Variants in BPNT1 observed in about 807,000 individuals in gnomAD.
BPNT1 encodes the protein 3'(2'), 5'-bisphosphate nucleotidase 1, also known as 3'(2'),5'-bisphosphate nucleotidase 1.
BPNT1 carries 28 observed loss-of-function variants against 36.9 expected under a neutral mutation model. The ratio of observed to expected loss-of-function variants is 0.76; its 90% CI spans 0.56 to 1.04. The LOEUF (loss-of-function observed/expected upper bound fraction) is 1.04, where lower values mean the gene tolerates loss of function less well. BPNT1 is among the 50% of genes least tolerant of loss of function. BPNT1 has a pLI of 0.00. For synonymous variants in BPNT1, 119 were observed against 130.9 expected, an observed-to-expected ratio of 0.91 and a Z score of 0.62; for missense variants, 313 against 372.9, an observed-to-expected ratio of 0.84 and a Z score of 1.32.
At chr1:220,059,287 GCTGGA>G in intron 8 of BPNT1, among the ~76,000 whole-genome samples, 1 of 118,426 alleles carries the variant, frequency 8.4e-6, no homozygotes, top group South Asian at 2.6e-4. Flanking sequence ...TCTTGCCCAG[GCTGGA>G]GTGCAATGGC....
At chr1:220,082,415 A>G (rs994663742) in intron 1 of BPNT1, among the ~76,000 whole-genome samples, 1 of 151,358 alleles carries the variant, frequency 6.6e-6, no homozygotes, top group African/African-American at 2.4e-5. Flanking sequence ...TCCTGACCTC[A>G]AGTGATCCAC....
At chr1:220,083,191 CGT>C in intron 1 of BPNT1, among the ~76,000 whole-genome samples, 1 of 143,308 alleles carries the variant, frequency 7.0e-6, no homozygotes, top group African/African-American at 2.6e-5. Context: ...GGGCCGAGAT[CGT>C]GCCAGTGCAC....
intron 1 of BPNT1, among the ~76,000 whole-genome samples, chr1:220,082,238 T>C (rs960554180): frequency 6.6e-6 from 1 of 150,938 alleles, no homozygotes; most frequent in South Asian, 2.1e-4. Flanking sequence ...TGGAGTGCAG[T>C]GGCGCAATCT....
intron 4 of BPNT1, 74 bp from the exon 5 acceptor site, chr1:220,069,506 A>T: frequency 8.8e-7 from 1 of 1,141,518 alleles, no homozygotes; most frequent in South Asian, 1.5e-5. Context: ...TAAATAGATT[A>T]AAATTACTCT....
chr1:220,061,319 C>T (rs1158725872), intron 7 of BPNT1, among the ~76,000 whole-genome samples: 1 of 152,022 alleles, frequency 6.6e-6, no homozygotes, highest in Non-Finnish European at 1.5e-5. Flanking sequence ...AGTCAATTGA[C>T]TTTTTTTGGT....
At chr1:220,064,265 A>T (rs1478472337) in intron 6 of BPNT1, among the ~76,000 whole-genome samples, 1 of 152,226 alleles carries the variant, frequency 6.6e-6, no homozygotes, top group Non-Finnish European at 1.5e-5. Context: ...TTACCTGTCA[A>T]ATGTTTTCAC....
Position 220,089,018 on chromosome 1 carries a change from G to A in BPNT1, c.-9+668C>T, listed in dbSNP as rs577368515. ...CGGGAGGCTGAGGCAGGAGAATGGC[G>A]TGAACCTGGGAGGTGGAGCTTGCAG... On this transcript the variant is annotated intron_variant, in intron 1 of 8. Coordinates refer to ENST00000322067, the MANE Select transcript of BPNT1 (RefSeq NM_006085.6). 2.8e-5 allele frequency among the ~76,000 whole-genome samples: 4 copies of A among 145,412 alleles called. No individual in the cohort carries two copies. The South Asian group carries it at 9.0e-4, about 33-fold the overall frequency.
In BPNT1 at chr1:220,087,874, A is replaced by T. The variant is rs1044419489; in HGVS notation, c.-9+1812T>A. ...ATGATTATTTTATTTTTAATTAATT[A>T]ATTAATTTATTTATTTTTTGAGACA... On this transcript the variant is annotated intron_variant, in intron 1 of 8. Coordinates refer to ENST00000322067, the MANE Select transcript of BPNT1 (RefSeq NM_006085.6). Among the ~76,000 whole-genome samples, 21 of 152,076 alleles carry T rather than the reference A, an allele frequency of 1.4e-4. No individual in the cohort carries two copies. The East Asian group carries it at 2.1e-3, about 15-fold the overall frequency.
rs1440661249 is a variant in BPNT1, at chr1:220,058,653, T to C, written c.*191A>G. ...CTCAAGAGATTCTTCTGCTTCAGCC[T>C]CTCAAGTAGCTGGGATGACAGGCGC... On this transcript the variant is annotated 3_prime_UTR_variant, in exon 9 of 9. Transcript: ENST00000322067. The C allele has an allele frequency of 2.7e-5, 21 of 763,982 alleles. No individual in the cohort carries two copies. The highest frequency in any genetic ancestry group is 2.8e-5 in the Non-Finnish European group (15 of 529,486). 47.3% of individuals were successfully genotyped at this position (763,982 alleles called of 1,614,324 possible).
chr1:220,086,860 G>A (rs12081255), intron 1 of BPNT1, among the ~76,000 whole-genome samples: 16,141 of 151,064 alleles, frequency 0.11, 1,392 homozygotes, highest in East Asian at 0.28. Flanking sequence ...GAGCCACTCC[G>A]CCCGGCCTGA....
rs766326710 is a variant in BPNT1 at position 220,072,909 on chromosome 1, A to G, written c.274T>C (p.Trp92Arg). Residue 92 changes from tryptophan (W) to arginine (R), a missense_variant, in exon 4 of 9, where the codon TGG becomes CGG. Coordinates refer to ENST00000322067, the MANE Select transcript of BPNT1 (RefSeq NM_006085.6). ...CATGGTTGCTTCAGTATTTCTTCCC[A>G]CTGACTGTCTTCAATCAGCTCTTGA... is the stretch of plus-strand genomic sequence containing the variant. ...VDQELIEDSQ[W>R]EEILKQPCPS... 6.2e-7 allele frequency: 1 copy of G among 1,614,080 alleles called. No homozygotes were observed. Among genetic ancestry groups the G allele is most frequent in the Non-Finnish European group, 8.5e-7 (1 of 1,180,004 alleles).
At chr1:220,061,166 C>T (rs1378233351) in intron 7 of BPNT1, among the ~76,000 whole-genome samples, 1 of 152,004 alleles carries the variant, frequency 6.6e-6, no homozygotes, top group African/African-American at 2.4e-5. Context: ...CAGATTTTTC[C>T]CCACAAAGAA....
chr1:220,085,578 A>G (rs924063072), intron 1 of BPNT1, among the ~76,000 whole-genome samples: 1 of 152,240 alleles, frequency 6.6e-6, no homozygotes, highest in African/African-American at 2.4e-5. Context: ...AATACTGGCT[A>G]ACCATTATTA....
chr1:220,066,536 C>T (rs755485154), intron 6 of BPNT1, among the ~76,000 whole-genome samples: 3 of 152,182 alleles, frequency 2.0e-5, no homozygotes, highest in Non-Finnish European at 4.4e-5. Flanking sequence ...ATTGCCCACT[C>T]TGATTACTTT....
intron 6 of BPNT1, chr1:220,067,018 A>G: frequency 6.3e-6 from 1 of 157,846 alleles, no homozygotes; most frequent in South Asian, 2.0e-4. Context: ...ACACATGCAT[A>G]TATATACATA....
intron 1 of BPNT1, among the ~76,000 whole-genome samples, chr1:220,083,716 T>C (rs1293913961): frequency 6.6e-6 from 1 of 152,170 alleles, no homozygotes; most frequent in Non-Finnish European, 1.5e-5. Flanking sequence ...AGAAAAGGTA[T>C]GTAAAATCTG....
rs1441215374 is a variant in BPNT1 at position 220,072,975 on chromosome 1, C to T, written c.226-18G>A. 8.8e-6 allele frequency: 14 copies of T among 1,582,382 alleles called. No homozygotes were observed. The highest frequency in any genetic ancestry group is 1.2e-5 in the Non-Finnish European group (14 of 1,151,368). ...GGCAGATCCTAAAGCAGAGATAACC[C>T]TAATGGTTACTGAAGCTGTTTAGTG... On this transcript the variant is annotated intron_variant, in intron 3 of 8. Transcript: ENST00000322067.
intron 1 of BPNT1, among the ~76,000 whole-genome samples, chr1:220,084,257 G>A (rs559164812): frequency 4.6e-4 from 70 of 151,928 alleles, no homozygotes; most frequent in Admixed American, 2.6e-3. Context: ...GCATGAACCC[G>A]GGAGGTGGAG....
intron 1 of BPNT1, among the ~76,000 whole-genome samples, chr1:220,088,768 G>A (rs1191619966): frequency 1.3e-5 from 2 of 149,056 alleles, no homozygotes; most frequent in African/African-American, 5.0e-5. Flanking sequence ...CCAGCCTGGG[G>A]GACAGAGCTA....
Sources: allele counts gnomAD v4.1 joint callset (sites outside exome capture counted in the v4.1 genomes callset), GRCh38; gene constraint gnomAD v4.1.1; transcripts MANE v1.5; gene names NCBI Gene and HGNC (gene_info 2026-07-23, HGNC 2026-07-21).